Variants in GALNT13 observed in about 807,000 individuals in gnomAD.
The protein encoded by GALNT13 is UDP-GalNAc:polypeptide N-acetylgalactosaminyltransferase 13.
Under a neutral mutation model 64.2 loss-of-function variants are expected in GALNT13, and 28 were observed. The observed-to-expected ratio is 0.44, with a 90% confidence interval of 0.32 to 0.60. GALNT13 has a LOEUF of 0.60. Among genes scored for constraint, GALNT13 ranks in the 20% least tolerant of loss-of-function variants. The pLI is 0.05. For synonymous variants in GALNT13, 214 were observed against 224.6 expected, an observed-to-expected ratio of 0.95 and a Z score of 0.42; for missense variants, 577 against 669.8, an observed-to-expected ratio of 0.86 and a Z score of 1.53.
chr2:153,939,655 A>G (rs1314513906), intron 2 of GALNT13, among the ~76,000 whole-genome samples: 3 of 152,236 alleles, frequency 2.0e-5, no homozygotes, highest in East Asian at 3.9e-4. Flanking sequence ...TGAGCATGCA[A>G]TGTTTCTGCA....
the GALNT13 span, among the ~76,000 whole-genome samples, chr2:153,308,156 G>A: frequency 5.3e-5 from 8 of 152,142 alleles, no homozygotes; most frequent in South Asian, 2.1e-4. Flanking sequence ...TAACAGTGCT[G>A]AGTACTGACA....
rs551357460 is a variant in GALNT13 at position 154,310,996 on chromosome 2, A to G, written c.1156+9407A>G. 2.6e-5 allele frequency among the ~76,000 whole-genome samples: 4 copies of G among 151,992 alleles called. No individual in the cohort carries two copies. The South Asian group carries it at 8.3e-4, about 32-fold the overall frequency. On this transcript the variant is annotated intron_variant, in intron 9 of 12. Coordinates refer to ENST00000392825, the MANE Select transcript of GALNT13 (RefSeq NM_052917.4). ...TATATTCATAGAATATTCTATGAAT[A>G]TATATGAATGACAACACAAAGTTTA...
At chr2:153,367,409 A>T in the GALNT13 span, among the ~76,000 whole-genome samples, 1 of 152,120 alleles carries the variant, frequency 6.6e-6, no homozygotes, top group Admixed American at 6.6e-5. Flanking sequence ...CAAGGTGTCC[A>T]TGTCCTAATC....
chr2:153,480,135 A>G, the GALNT13 span, among the ~76,000 whole-genome samples: 2 of 152,258 alleles, frequency 1.3e-5, no homozygotes, highest in Non-Finnish European at 1.5e-5. Context: ...TGTACCTCAT[A>G]AATATGTACA....
At chr2:154,412,601 G>A (rs1235505941) in intron 11 of GALNT13, among the ~76,000 whole-genome samples, 2 of 151,398 alleles carry the variant, frequency 1.3e-5, no homozygotes, top group Non-Finnish European at 3.0e-5. Flanking sequence ...TCCTTGCATA[G>A]GAGTTTTGAT....
the GALNT13 span, among the ~76,000 whole-genome samples, chr2:153,507,639 A>C: frequency 5.9e-5 from 9 of 152,064 alleles, no homozygotes; most frequent in African/African-American, 2.2e-4. Context: ...TGATTAGCTT[A>C]ATAATTGACC....
the GALNT13 span, among the ~76,000 whole-genome samples, chr2:153,513,533 T>A: frequency 6.6e-6 from 1 of 152,242 alleles, no homozygotes; most frequent in Non-Finnish European, 1.5e-5. Context: ...ACCTACCCTC[T>A]TCCTCAGTTA....
At chr2:153,263,625 A>G in the GALNT13 span, among the ~76,000 whole-genome samples, 1 of 152,142 alleles carries the variant, frequency 6.6e-6, no homozygotes, top group Admixed American at 6.5e-5. Flanking sequence ...CAGAATACAG[A>G]ACTCAGAAAT....
At chr2:153,426,993 C>T in the GALNT13 span, among the ~76,000 whole-genome samples, 1 of 151,720 alleles carries the variant, frequency 6.6e-6, no homozygotes, top group African/African-American at 2.4e-5. Flanking sequence ...GAGTATTGCT[C>T]ATTTTTGCAG....
intron 9 of GALNT13, among the ~76,000 whole-genome samples, chr2:154,384,856 CT>C (rs1426051219): frequency 2.0e-5 from 3 of 151,858 alleles, no homozygotes; most frequent in East Asian, 1.9e-4. Flanking sequence ...TATCTTGGTA[CT>C]TTTTTATTTT....
intron 2 of GALNT13, among the ~76,000 whole-genome samples, chr2:153,930,157 C>T (rs1430982711): frequency 3.3e-5 from 5 of 152,056 alleles, no homozygotes; most frequent in Non-Finnish European, 1.5e-5. Context: ...TGAGAAGTGT[C>T]TGTTCATGTC....
chr2:153,702,487 A>T, the GALNT13 span, among the ~76,000 whole-genome samples: 1 of 152,156 alleles, frequency 6.6e-6, no homozygotes, highest in African/African-American at 2.4e-5. Flanking sequence ...AATAAAAAAT[A>T]AGAGCTTAGG....
At chr2:154,152,133 C>T (rs1169904306) in intron 4 of GALNT13, among the ~76,000 whole-genome samples, 1 of 152,124 alleles carries the variant, frequency 6.6e-6, no homozygotes, top group Non-Finnish European at 1.5e-5. Flanking sequence ...CTGGTGGTGA[C>T]AAAATCTCTC....
At chr2:154,354,847 G>T (rs1009759902) in intron 9 of GALNT13, among the ~76,000 whole-genome samples, 9 of 151,960 alleles carry the variant, frequency 5.9e-5, no homozygotes, top group Non-Finnish European at 1.3e-4. Context: ...GTTTCTCACA[G>T]CAGTTCTCTC....
At chr2:153,170,611 T>C in the GALNT13 span, among the ~76,000 whole-genome samples, 1 of 152,194 alleles carries the variant, frequency 6.6e-6, no homozygotes, top group African/African-American at 2.4e-5. Flanking sequence ...AAGCCAAATA[T>C]CACTGCTAGT....
the GALNT13 span, among the ~76,000 whole-genome samples, chr2:153,303,611 A>G: frequency 1.5e-3 from 221 of 152,274 alleles, 7 homozygotes; most frequent in East Asian, 0.037. Context: ...AAGAGTAGGC[A>G]TCCTTGTCTT....
At chr2:153,364,669 A>G in the GALNT13 span, among the ~76,000 whole-genome samples, 6 of 152,306 alleles carry the variant, frequency 3.9e-5, no homozygotes, top group African/African-American at 1.4e-4. Flanking sequence ...CTAGGAATAC[A>G]GCTAAAAAGA....
At chr2:153,788,397 A>AG in the GALNT13 span, among the ~76,000 whole-genome samples, 1 of 141,962 alleles carries the variant, frequency 7.0e-6, no homozygotes, top group South Asian at 2.1e-4. Context: ...GTAAATGCTG[A>AG]GGGAATTTTT....
intron 2 of GALNT13, among the ~76,000 whole-genome samples, chr2:153,907,089 G>A (rs1688617073): frequency 6.6e-6 from 1 of 151,842 alleles, no homozygotes; most frequent in Non-Finnish European, 1.5e-5. Context: ...TTTTTGATGG[G>A]GTTGTTTGTT....
Sources: gnomAD v4.1 joint callset for allele counts (sites outside exome capture counted in the v4.1 genomes callset) on GRCh38, gnomAD v4.1.1 for gene constraint, MANE v1.5 for transcripts, NCBI Gene and HGNC (gene_info 2026-07-23, HGNC 2026-07-21) for gene names.